Variants in CCNYL1 observed in about 807,000 individuals in gnomAD.
CCNYL1 encodes cyclin Y like 1.
In CCNYL1, 16 loss-of-function variants were observed where a neutral mutation model predicts 44.2. The ratio of observed to expected loss-of-function variants is 0.36; its 90% CI spans 0.25 to 0.55. CCNYL1 has a LOEUF of 0.55. Among genes scored for constraint, CCNYL1 ranks in the 20% least tolerant of loss-of-function variants. The probability of loss-of-function intolerance (pLI) is 0.85; values close to 1 mark genes in which losing one functional copy is unlikely to be tolerated. For missense variants in CCNYL1, 348 were observed against 451.8 expected (o/e 0.77, Z 2.08); for synonymous variants, 159 against 163.2 (o/e 0.97, Z 0.20).
chr2:207,718,497 CT>C (rs769295878), intron 1 of CCNYL1, among the ~76,000 whole-genome samples: 2 of 149,946 alleles, frequency 1.3e-5, no homozygotes, highest in Non-Finnish European at 3.0e-5. Context: ...GACAGTGAGA[CT>C]GTCTCAAAAA....
Position 207,755,335 on chromosome 2 carries a change from A to G in CCNYL1, c.*1637A>G, listed in dbSNP as rs2105845830. On this transcript the variant is annotated 3_prime_UTR_variant, in exon 10 of 10. Coordinates refer to ENST00000295414, the MANE Select transcript of CCNYL1 (RefSeq NM_001330218.2). Reference sequence around the variant, plus strand: ...GTCAAGGCTGCAGTGGGCCATGATCATGTCACTGCTCTCCAACCTGGGCGA... The same window carrying G: ...GTCAAGGCTGCAGTGGGCCATGATCGTGTCACTGCTCTCCAACCTGGGCGA... The G allele has an allele frequency of 6.6e-6, 1 of 152,336 alleles. No individual in the cohort carries two copies. Among genetic ancestry groups the G allele is most frequent in the Non-Finnish European group, 1.5e-5 (1 of 68,044 alleles). 9.4% of individuals were successfully genotyped at this position (152,336 alleles called of 1,614,324 possible). A position where few individuals can be genotyped will look rare whatever the true frequency, so the allele number is the denominator to read the frequency against.
At chr2:207,728,261 CTTTT>C (rs571559698) in intron 3 of CCNYL1, among the ~76,000 whole-genome samples, 2 of 140,956 alleles carry the variant, frequency 1.4e-5, no homozygotes, top group Non-Finnish European at 3.1e-5. Context: ...TGCACCTGGC[CTTTT>C]TTTTTTTTTT....
chr2:207,714,581 CTGTG>C (rs2091578607), intron 1 of CCNYL1: 4 of 250,090 alleles, frequency 1.6e-5, no homozygotes, highest in Non-Finnish European at 2.4e-5. Context: ...GTTCTGGTAA[CTGTG>C]AATTGAAGCT....
rs1293534703 is a variant in CCNYL1 at position 207,755,159 on chromosome 2, G to A, written c.*1461G>A. 1 of 152,132 alleles carries A rather than the reference G, an allele frequency of 6.6e-6. No homozygotes were observed. Among genetic ancestry groups the A allele is most frequent in the Admixed American group, 6.5e-5 (1 of 15,270 alleles). 9.4% of individuals were successfully genotyped at this position (152,132 alleles called of 1,614,324 possible). On this transcript the variant is annotated 3_prime_UTR_variant, in exon 10 of 10. Transcript: ENST00000295414. ...CCTGGGAGGCTGAGGTGGAAGGATT[G>A]CTTGAGTGCAGGAGTTCAAGACCAG...
At chr2:207,743,128 C>G (rs2091824049) in intron 7 of CCNYL1, among the ~76,000 whole-genome samples, 1 of 152,230 alleles carries the variant, frequency 6.6e-6, no homozygotes, top group Non-Finnish European at 1.5e-5. Context: ...GAGAAGGCTT[C>G]TGTGCACTTG....
intron 5 of CCNYL1, among the ~76,000 whole-genome samples, chr2:207,737,780 T>C (rs1348561768): frequency 3.3e-5 from 5 of 152,214 alleles, no homozygotes; most frequent in Non-Finnish European, 5.9e-5. Flanking sequence ...TTGTGGGGAC[T>C]GTCCTGTGTA....
chr2:207,716,925 C>A (rs1377384093), intron 1 of CCNYL1, among the ~76,000 whole-genome samples: 1 of 151,958 alleles, frequency 6.6e-6, no homozygotes, highest in Non-Finnish European at 1.5e-5. Context: ...CTGGCTAACA[C>A]GGTGAAACCC....
chr2:207,718,153 C>G (rs2091611743), intron 1 of CCNYL1, among the ~76,000 whole-genome samples: 1 of 152,084 alleles, frequency 6.6e-6, no homozygotes, highest in African/African-American at 2.4e-5. Context: ...ATCCACCCAC[C>G]CTGGCCTCCC....
intron 3 of CCNYL1, among the ~76,000 whole-genome samples, chr2:207,727,895 G>C (rs2091692486): frequency 6.6e-6 from 1 of 151,982 alleles, no homozygotes; most frequent in Non-Finnish European, 1.5e-5. Flanking sequence ...CCTGGGAAAG[G>C]GCCCATAGAC....
intron 1 of CCNYL1, among the ~76,000 whole-genome samples, chr2:207,712,573 C>T (rs2091559338): frequency 6.6e-6 from 1 of 152,082 alleles, no homozygotes; most frequent in Admixed American, 6.6e-5. Flanking sequence ...TTCCTTCCTC[C>T]CATCCGTGAA....
At chr2:207,714,193 A>C (rs2091574913) in intron 1 of CCNYL1, 1 of 353,622 alleles carries the variant, frequency 2.8e-6, no homozygotes, top group Non-Finnish European at 5.4e-6. Flanking sequence ...ACTTTTAAAA[A>C]TCCAGAATGC....
chr2:207,741,186 C>T (rs1043934553), intron 6 of CCNYL1, among the ~76,000 whole-genome samples: 4 of 151,962 alleles, frequency 2.6e-5, no homozygotes, highest in East Asian at 3.9e-4. Flanking sequence ...ACGTGGAAGG[C>T]GGAGCTTGCA....
rs372306360 is a variant in CCNYL1 at position 207,738,468 on chromosome 2, G to A, written c.467+1022G>A. Among the ~76,000 whole-genome samples the A allele has an allele frequency of 3.3e-5, 5 of 152,140 alleles. No individual in the cohort carries two copies. In the South Asian group the frequency reaches 8.3e-4, roughly 25 times the overall value. On this transcript the variant is annotated intron_variant, in intron 5 of 9. Coordinates refer to ENST00000295414, the MANE Select transcript of CCNYL1 (RefSeq NM_001330218.2). ...ACTCCCGACCTCAGGTGATCCACCCGCCTCAGCCTCCCAAAGTGCTGGGAT... is the reference window on the plus strand; with the variant it reads ...ACTCCCGACCTCAGGTGATCCACCCACCTCAGCCTCCCAAAGTGCTGGGAT...
intron 8 of CCNYL1, 39 bp downstream of exon 8, chr2:207,747,252 T>C: frequency 6.4e-7 from 1 of 1,559,286 alleles, no homozygotes. Flanking sequence ...CTAACCATTT[T>C]CCAGTATCTT....
Position 207,731,642 on chromosome 2 carries a change from G to A in CCNYL1, c.331-2305G>A, listed in dbSNP as rs116181048. Among the ~76,000 whole-genome samples, 964 of 152,104 alleles carry A rather than the reference G, an allele frequency of 6.3e-3. 9 individuals carry two copies. The Middle Eastern group carries it at 0.065, about 10-fold the overall frequency. On this transcript the variant is annotated intron_variant, in intron 3 of 9. Transcript: ENST00000295414. ...TTGTTGAGTTTTCCAGCAACATGAT[G>A]GGGGAATTACCTGTTGCCAGCTATA...
intron 1 of CCNYL1, among the ~76,000 whole-genome samples, chr2:207,714,044 A>G (rs1363823153): frequency 6.6e-6 from 1 of 152,172 alleles, no homozygotes; most frequent in Non-Finnish European, 1.5e-5. Context: ...AGGCCTGTTT[A>G]TATTCCCCGT....
chr2:207,744,249 T>TG (rs1559172041), intron 7 of CCNYL1, among the ~76,000 whole-genome samples: 3 of 152,004 alleles, frequency 2.0e-5, no homozygotes, highest in African/African-American at 4.8e-5. Flanking sequence ...TGTGTGTGTG[T>TG]TCAAGGAACA....
At chr2:207,732,217 TTAATG>T (rs1362884669) in intron 3 of CCNYL1, among the ~76,000 whole-genome samples, 1 of 152,224 alleles carries the variant, frequency 6.6e-6, no homozygotes, top group Admixed American at 6.5e-5. Context: ...ACATACACAG[TTAATG>T]TAAACTATAT....
chr2:207,740,259 G>A (rs909767947), intron 5 of CCNYL1, among the ~76,000 whole-genome samples: 1 of 152,202 alleles, frequency 6.6e-6, no homozygotes, highest in Non-Finnish European at 1.5e-5. Context: ...AAAAGCCTGG[G>A]AAATCTGAAT....
Sources: gnomAD v4.1 joint callset for allele counts (sites outside exome capture counted in the v4.1 genomes callset) on GRCh38, gnomAD v4.1.1 for gene constraint, MANE v1.5 for transcripts, NCBI Gene and HGNC (gene_info 2026-07-23, HGNC 2026-07-21) for gene names.